The following SS18 variants were observed in gnomAD, a reference collection of about 807,000 sequenced individuals.
The protein encoded by SS18 is SS18 subunit of BAF chromatin remodeling complex, also known as protein SSXT.
SS18 carries 28 observed loss-of-function variants against 72.5 expected under a neutral mutation model. That is an observed-to-expected ratio of 0.39 (90% CI 0.29 to 0.53). SS18 has a LOEUF of 0.53. Ranked by LOEUF, SS18 falls within the 20% of genes least tolerant of loss-of-function variation. The pLI is 0.76. For synonymous variants in SS18, 172 were observed against 164.2 expected (o/e 1.05, Z -0.37); for missense variants, 518 against 535.3 (o/e 0.97, Z 0.32).
At position 26,090,574 on chromosome 18, in the gene SS18, C is replaced by T; in HGVS notation, c.-5G>A. ...GGCCGCGAAAGCCACAGACATGTTG[C>T]CGCCGTCACCACTATCGGCAAGTCC... On this transcript the variant is annotated 5_prime_UTR_variant, in exon 1 of 11. Coordinates refer to ENST00000415083, the MANE Select transcript of SS18 (RefSeq NM_001007559.3). 3 of 1,579,130 alleles carry T rather than the reference C, an allele frequency of 1.9e-6. No homozygotes were observed. Among genetic ancestry groups the T allele is most frequent in the Non-Finnish European group, 2.6e-6 (3 of 1,163,132 alleles).
rs561396010 is a variant in SS18, at chr18:26,047,751, G to A, written c.607+4873C>T. Among the ~76,000 whole-genome samples, 50 of 152,318 alleles carry A rather than the reference G, an allele frequency of 3.3e-4. No homozygotes were observed. In the East Asian group the frequency reaches 4.2e-3, roughly 13 times the overall value. On this transcript the variant is annotated intron_variant, in intron 5 of 10. Transcript: ENST00000415083. The stretch of plus-strand genomic sequence containing the variant: ...CCAGCTACCTGGGACACTGAGGCAG[G>A]AGAATGGCATGAACCCAGGAGGCAG...
In SS18 at chr18:26,016,592, G is replaced by A. The variant is rs539871160; in HGVS notation, c.*1762C>T. The A allele has an allele frequency of 3.8e-4, 70 of 184,016 alleles. No homozygotes were observed. Among genetic ancestry groups the A allele is most frequent in the Admixed American group, 2.5e-4 (4 of 15,980 alleles). The allele number at this position is 184,016 out of a possible 1,614,324, so 11.4% of individuals were successfully genotyped here. On this transcript the variant is annotated 3_prime_UTR_variant, in exon 11 of 11. Transcript: ENST00000415083. Reference sequence around the variant, plus strand: ...ACAAAAATTAGCTGGGTGTGGTGGCGGGTGCCTGTCATCCCAGCTACTCAG... The same window carrying A: ...ACAAAAATTAGCTGGGTGTGGTGGCAGGTGCCTGTCATCCCAGCTACTCAG...
intron 4 of SS18, 133 bp from the exon 5 acceptor site, chr18:26,052,978 G>T (rs1292483956): frequency 4.3e-6 from 3 of 691,672 alleles, no homozygotes; most frequent in African/African-American, 3.6e-5. Context: ...CAAAGTAAAT[G>T]GTTTATAGGA....
intron 3 of SS18, among the ~76,000 whole-genome samples, chr18:26,058,744 C>G (rs2054068949): frequency 6.6e-6 from 1 of 152,218 alleles, no homozygotes; most frequent in Admixed American, 6.5e-5. Context: ...CAAGTCTACT[C>G]TAATAGCACA....
rs2053607869 is a variant in SS18, at chr18:26,035,215, A to G, written c.974-88T>C. 2.1e-6 allele frequency: 3 copies of G among 1,400,754 alleles called. No homozygotes were observed. Among genetic ancestry groups the G allele is most frequent in the Non-Finnish European group, 2.9e-6 (3 of 1,034,090 alleles). The allele number at this position is 1,400,754 out of a possible 1,614,324, so 86.8% of individuals were successfully genotyped here. On this transcript the variant is annotated intron_variant, in intron 8 of 10. Transcript: ENST00000415083. This position sits in a 1 kb window ranked among gnomAD's most constrained non-coding sequence, Gnocchi z 4.4. ...TCTAAGATGCATAGCCAACAACACA[A>G]GAACAAAATGAAATGCCATATTGAT... is the stretch of plus-strand genomic sequence containing the variant.
At chr18:26,022,927 G>A (rs1441171965) in intron 10 of SS18, among the ~76,000 whole-genome samples, 1 of 152,126 alleles carries the variant, frequency 6.6e-6, no homozygotes, top group Non-Finnish European at 1.5e-5. Flanking sequence ...AGGGCATTGG[G>A]CAAAACACCC....
At chr18:26,062,640 G>A (rs2054144220) in intron 3 of SS18, among the ~76,000 whole-genome samples, 1 of 151,890 alleles carries the variant, frequency 6.6e-6, no homozygotes, top group Non-Finnish European at 1.5e-5. Flanking sequence ...TATATTCTGT[G>A]TACAACACAA....
chr18:26,033,090 G>A (rs958677667), intron 9 of SS18, among the ~76,000 whole-genome samples: 1 of 152,170 alleles, frequency 6.6e-6, no homozygotes, highest in African/African-American at 2.4e-5. Flanking sequence ...GGTTACATGT[G>A]AAAAAACTTG....
Position 26,017,493 on chromosome 18 carries a change from T to G in SS18, c.*861A>C, listed in dbSNP as rs2053268776. ...ACTCAAACAAGGTAAAATTAACACT[T>G]TCATTTTCAGTTATTGCTATTTTAG... On this transcript the variant is annotated 3_prime_UTR_variant, in exon 11 of 11. Transcript: ENST00000415083. 2 of 195,748 alleles carry G rather than the reference T, an allele frequency of 1.0e-5. No homozygotes were observed. Among genetic ancestry groups the G allele is most frequent in the Non-Finnish European group, 2.1e-5 (2 of 93,938 alleles). The allele number at this position is 195,748 out of a possible 1,614,324, so 12.1% of individuals were successfully genotyped here. A position where few individuals can be genotyped will look rare whatever the true frequency, so the allele number is the denominator to read the frequency against.
intron 2 of SS18, among the ~76,000 whole-genome samples, chr18:26,086,640 T>C (rs1438678180): frequency 6.6e-6 from 1 of 152,244 alleles, no homozygotes; most frequent in Non-Finnish European, 1.5e-5. Context: ...TGATAATATA[T>C]TCAACTTATT....
intron 10 of SS18, among the ~76,000 whole-genome samples, chr18:26,026,360 A>G (rs2053447167): frequency 6.6e-6 from 1 of 152,218 alleles, no homozygotes. Context: ...AAACTCAAAC[A>G]ATGTAATTCA....
Position 26,039,369 on chromosome 18 carries a change from A to T in SS18, c.695T>A (p.Met232Lys). Residue 232 changes from methionine to lysine, a missense_variant, in exon 6 of 11, where the codon ATG becomes AAG. By Grantham distance (95) the Met-to-Lys change is moderately conservative (BLOSUM62 -1). Transcript: ENST00000415083. Reference sequence around the variant, plus strand: ...TTGGTTAACTTGACCCATCATTCCCATAGGTGGCTGCTGTCCTTGGTAATG... The same window carrying T: ...TTGGTTAACTTGACCCATCATTCCCTTAGGTGGCTGCTGTCCTTGGTAATG... ...GQHYQGQQPP[M>K]GMMGQVNQGN... The T allele has an allele frequency of 6.2e-7, 1 of 1,613,888 alleles. No homozygotes were observed. The highest frequency in any genetic ancestry group is 8.5e-7 in the Non-Finnish European group (1 of 1,179,882).
chr18:26,049,272 C>T (rs973874240), intron 5 of SS18, among the ~76,000 whole-genome samples: 6 of 138,962 alleles, frequency 4.3e-5, no homozygotes, highest in African/African-American at 2.0e-4. Context: ...ACTGAATGTA[C>T]TTGTTGATTA....
At chr18:26,020,345 G>A (rs1369809079) in intron 10 of SS18, among the ~76,000 whole-genome samples, 1 of 152,132 alleles carries the variant, frequency 6.6e-6, no homozygotes, top group Non-Finnish European at 1.5e-5. Flanking sequence ...GAGAGGACAT[G>A]AGAAAGCGCT....
chr18:26,056,890 T>C (rs1234348616), intron 4 of SS18, among the ~76,000 whole-genome samples: 1 of 152,214 alleles, frequency 6.6e-6, no homozygotes, highest in Non-Finnish European at 1.5e-5. Flanking sequence ...ATGATTAAAA[T>C]TTCAAACCAG....
At chr18:26,039,806 T>C (rs1166704535) in intron 5 of SS18, among the ~76,000 whole-genome samples, 2 of 152,302 alleles carry the variant, frequency 1.3e-5, no homozygotes, top group South Asian at 4.1e-4. Context: ...TGAGAAGATA[T>C]CATCCTTATG....
intron 5 of SS18, among the ~76,000 whole-genome samples, chr18:26,046,729 T>C (rs917564180): frequency 5.9e-5 from 9 of 152,232 alleles, no homozygotes; most frequent in African/African-American, 2.2e-4. Context: ...CCTCTTTCAA[T>C]TATCCAGGTT....
chr18:26,042,485 T>C (rs991359969), intron 5 of SS18, among the ~76,000 whole-genome samples: 25 of 152,294 alleles, frequency 1.6e-4, no homozygotes, highest in Non-Finnish European at 2.6e-4. Context: ...TCTTCCCATT[T>C]TGAGTTTTAT....
At chr18:26,038,025 T>C (rs1446278501) in intron 7 of SS18, among the ~76,000 whole-genome samples, 2 of 152,158 alleles carry the variant, frequency 1.3e-5, no homozygotes, top group African/African-American at 2.4e-5. Context: ...TATATGGCTA[T>C]ATTATGGATA....
Sources: gnomAD v4.1 joint callset for allele counts (sites outside exome capture counted in the v4.1 genomes callset) on GRCh38, gnomAD v4.1.1 for gene constraint, Gnocchi (gnomAD v3.1) non-coding constraint, MANE v1.5 for transcripts, NCBI Gene and HGNC (gene_info 2026-07-23, HGNC 2026-07-21) for gene names.